SASS6: variants seen among roughly 807,000 people sequenced by gnomAD.
SASS6 encodes the protein spindle assembly abnormal protein 6 homolog.
In SASS6, 59 loss-of-function variants were observed where a neutral mutation model predicts 94.9. The ratio of observed to expected loss-of-function variants is 0.62; its 90% CI spans 0.50 to 0.77. The LOEUF (loss-of-function observed/expected upper bound fraction) is 0.77, where lower values mean the gene tolerates loss of function less well. Ranked by LOEUF, SASS6 falls within the 30% of genes least tolerant of loss-of-function variation. The probability of loss-of-function intolerance (pLI) is 0.00; values close to 1 mark genes in which losing one functional copy is unlikely to be tolerated. For missense variants in SASS6, 698 were observed against 734.1 expected (o/e 0.95, Z 0.57); for synonymous variants, 264 against 270.0 (o/e 0.98, Z 0.22).
At chr1:100,110,791 A>G (rs527846969) in intron 7 of SASS6, among the ~76,000 whole-genome samples, 21 of 152,082 alleles carry the variant, frequency 1.4e-4, no homozygotes, top group African/African-American at 4.8e-4. Context: ...GATGCTATAT[A>G]AGTTAAAAAA....
chr1:100,123,333 G>A (rs755332091), intron 2 of SASS6, 44 bp from the exon 3 acceptor site: 2 of 900,344 alleles, frequency 2.2e-6, no homozygotes, highest in Admixed American at 4.6e-5. Flanking sequence ...ACTAGATCTG[G>A]CCTTTTGAGT....
intron 3 of SASS6, 46 bp from the exon 4 acceptor site, chr1:100,122,530 C>CT: frequency 2.0e-6 from 1 of 492,092 alleles, no homozygotes; most frequent in Non-Finnish European, 3.5e-6. Context: ...TTTTAATTAA[C>CT]TTTGTTTTGT....
At chr1:100,127,142 G>C (rs1022152588) in intron 1 of SASS6, among the ~76,000 whole-genome samples, 3 of 152,094 alleles carry the variant, frequency 2.0e-5, no homozygotes, top group Non-Finnish European at 4.4e-5. Context: ...AGAAAATAAA[G>C]GGAGAAATTA....
rs149671618 is a variant in SASS6, at chr1:100,096,614, A to C, written c.1674+6341T>G. On this transcript the variant is annotated intron_variant, in intron 14 of 16. Coordinates refer to ENST00000287482, the MANE Select transcript of SASS6 (RefSeq NM_194292.3). ...AAATGAAAAGGGAAGCCACTGGGAG[A>C]AAATATTTGCTAATCATATACTTGA... Among the ~76,000 whole-genome samples, 338 of 152,354 alleles carry C rather than the reference A, an allele frequency of 2.2e-3. 4 individuals carry two copies. The highest frequency in any genetic ancestry group is 7.9e-3 in the African/African-American group (329 of 41,580).
intron 13 of SASS6, among the ~76,000 whole-genome samples, chr1:100,103,956 C>A (rs919573772): frequency 6.6e-6 from 1 of 152,110 alleles, no homozygotes; most frequent in Non-Finnish European, 1.5e-5. Context: ...ACACCATGAA[C>A]AAACATGGGT....
chr1:100,125,196 A>C (rs1480829337), intron 2 of SASS6, among the ~76,000 whole-genome samples: 1 of 151,408 alleles, frequency 6.6e-6, no homozygotes, highest in African/African-American at 2.4e-5. Flanking sequence ...CATTTATACC[A>C]TGAAATGCCA....
At chr1:100,110,216 A>G in intron 8 of SASS6, 76 bp downstream of exon 8, 1 of 818,264 alleles carries the variant, frequency 1.2e-6, no homozygotes, top group Non-Finnish European at 1.9e-6. Context: ...CACCACCCAC[A>G]CAAGTAACCA....
At chr1:100,102,929 G>T in intron 14 of SASS6, 26 bp downstream of exon 14, 1 of 1,579,666 alleles carries the variant, frequency 6.3e-7, no homozygotes, top group South Asian at 1.2e-5. Flanking sequence ...TTTTTTCCCA[G>T]AACAAGTATT....
At position 100,109,220 on chromosome 1, in the gene SASS6, T is replaced by A. The variant is rs549857482; in HGVS notation, c.861+1072A>T. 1.1e-4 allele frequency among the ~76,000 whole-genome samples: 17 copies of A among 152,112 alleles called. No homozygotes were observed. The South Asian group carries it at 3.1e-3, about 28-fold the overall frequency. On this transcript the variant is annotated intron_variant, in intron 8 of 16. Coordinates refer to ENST00000287482, the MANE Select transcript of SASS6 (RefSeq NM_194292.3). ...GTGTATGCAGGAAAAACAGAAGACATCTATTATTGGGGCAAAACAATATGA... is the reference window on the plus strand; with the variant it reads ...GTGTATGCAGGAAAAACAGAAGACAACTATTATTGGGGCAAAACAATATGA...
At chr1:100,090,578 A>G (rs1281841650) in intron 14 of SASS6, among the ~76,000 whole-genome samples, 3 of 152,184 alleles carry the variant, frequency 2.0e-5, no homozygotes, top group Non-Finnish European at 4.4e-5. Context: ...TGGCGAGGCG[A>G]TAACTAAAAC....
chr1:100,114,997 C>T (rs1653679317), intron 7 of SASS6, among the ~76,000 whole-genome samples: 1 of 151,462 alleles, frequency 6.6e-6, no homozygotes, highest in Non-Finnish European at 1.5e-5. Context: ...CTCTCAAATG[C>T]AAAGCAAATA....
At chr1:100,125,669 C>CAAAAAAAAAAAA (rs11299065) in intron 2 of SASS6, among the ~76,000 whole-genome samples, 1 of 80,358 alleles carries the variant, frequency 1.2e-5, no homozygotes, top group Non-Finnish European at 2.6e-5. Flanking sequence ...GACTCCATCT[C>CAAAAAAAAAAAA]AAAAAAAAAA....
chr1:100,108,979 G>C lies in SASS6; in HGVS notation c.862-975C>G, dbSNP rs544991034. ...AAAATAGGTAACTGAATACTCAGCA[G>C]TTAAAAAAAAAAGCTCCAAGAACTA... On this transcript the variant is annotated intron_variant, in intron 8 of 16. Transcript: ENST00000287482. Among the ~76,000 whole-genome samples the C allele has an allele frequency of 3.3e-5, 5 of 150,302 alleles. No homozygotes were observed. The East Asian group carries it at 9.7e-4, about 29-fold the overall frequency.
chr1:100,131,061 A>G (rs2101699078), intron 1 of SASS6, among the ~76,000 whole-genome samples: 1 of 152,362 alleles, frequency 6.6e-6, no homozygotes, highest in Non-Finnish European at 1.5e-5. Context: ...ACCATCTAGG[A>G]GTTTCCATAT....
At chr1:100,091,255 C>T (rs1232931217) in intron 14 of SASS6, among the ~76,000 whole-genome samples, 1 of 152,042 alleles carries the variant, frequency 6.6e-6, no homozygotes, top group Non-Finnish European at 1.5e-5. Context: ...TGAGATTGCA[C>T]CACTATCCTC....
intron 7 of SASS6, among the ~76,000 whole-genome samples, chr1:100,115,386 GGAGA>G (rs750727205): frequency 2.7e-5 from 4 of 145,588 alleles, no homozygotes; most frequent in South Asian, 2.3e-4. Flanking sequence ...AGAGAAAAAG[GGAGA>G]GAGAGAGAGA....
At chr1:100,112,095 A>AG (rs1157822296) in intron 7 of SASS6, among the ~76,000 whole-genome samples, 2 of 129,822 alleles carry the variant, frequency 1.5e-5, no homozygotes, top group Non-Finnish European at 3.6e-5. Flanking sequence ...TCCATTCTGG[A>AG]GGAAAAAAAA....
intron 2 of SASS6, among the ~76,000 whole-genome samples, chr1:100,124,082 A>C (rs1654396526): frequency 1.3e-5 from 2 of 152,262 alleles, no homozygotes; most frequent in Admixed American, 6.5e-5. Context: ...ACTCATGTCT[A>C]CTGAGGAAAT....
At chr1:100,115,323 A>G (rs1490905599) in intron 7 of SASS6, among the ~76,000 whole-genome samples, 3 of 152,190 alleles carry the variant, frequency 2.0e-5, no homozygotes, top group Non-Finnish European at 4.4e-5. Flanking sequence ...AAAAATCTGT[A>G]AAGTCCCTAG....
Sources: allele counts gnomAD v4.1 joint callset (sites outside exome capture counted in the v4.1 genomes callset), GRCh38; gene constraint gnomAD v4.1.1; transcripts MANE v1.5; gene names NCBI Gene and HGNC (gene_info 2026-07-23, HGNC 2026-07-21).